The following SPOCK3 variants were observed in gnomAD, a reference collection of about 807,000 sequenced individuals.
SPOCK3 encodes the protein testican-3.
In SPOCK3, 30 loss-of-function variants were observed where a neutral mutation model predicts 56.6. The observed-to-expected ratio is 0.53, with a 90% CI of 0.40 to 0.72. SPOCK3 has a LOEUF of 0.72. Ranked by LOEUF, SPOCK3 falls within the 30% of genes least tolerant of loss-of-function variation. The probability of loss-of-function intolerance (pLI) is 0.00; values close to 1 mark genes in which losing one functional copy is unlikely to be tolerated. For synonymous variants in SPOCK3, 196 were observed against 183.3 expected, an observed-to-expected ratio of 1.07 and a Z score of -0.56; for missense variants, 527 against 530.0, an observed-to-expected ratio of 0.99 and a Z score of 0.06.
intron 3 of SPOCK3, among the ~76,000 whole-genome samples, chr4:167,048,447 A>C (rs1308197742): frequency 6.6e-6 from 1 of 152,168 alleles, no homozygotes; most frequent in Admixed American, 6.5e-5. Flanking sequence ...ATTATTACAT[A>C]GTATTTTGTT....
rs370462704 is a variant in SPOCK3, at chr4:167,096,380, T to C, written c.190-33843A>G. ...GAATTTAGAATTATCTTTGATGACA[T>C]AGATATTCAGCATGATCACTTTCCC... On this transcript the variant is annotated intron_variant, in intron 2 of 10. Transcript: ENST00000357545. Among the ~76,000 whole-genome samples the C allele has an allele frequency of 3.7e-4, 57 of 152,082 alleles. No homozygotes were observed. The East Asian group carries it at 4.0e-3, about 11-fold the overall frequency.
At chr4:167,001,759 C>T (rs1342340082) in intron 3 of SPOCK3, among the ~76,000 whole-genome samples, 3 of 151,806 alleles carry the variant, frequency 2.0e-5, no homozygotes, top group African/African-American at 7.3e-5. Flanking sequence ...TTCTAGTGCA[C>T]AAAGAGAAAT....
intron 7 of SPOCK3, among the ~76,000 whole-genome samples, chr4:166,774,191 T>C (rs1215731969): frequency 6.6e-6 from 1 of 152,210 alleles, no homozygotes. Context: ...TCTCTATTTT[T>C]ACTTCTAACT....
At chr4:166,774,035 T>C (rs2126585052) in intron 7 of SPOCK3, among the ~76,000 whole-genome samples, 1 of 152,356 alleles carries the variant, frequency 6.6e-6, no homozygotes, top group Admixed American at 6.5e-5. Flanking sequence ...ATTGTCCTTG[T>C]AAGGTACAAA....
At chr4:167,101,892 T>G (rs1055627134) in intron 2 of SPOCK3, among the ~76,000 whole-genome samples, 1 of 149,136 alleles carries the variant, frequency 6.7e-6, no homozygotes, top group South Asian at 2.1e-4. Flanking sequence ...CAGGCTGAGT[T>G]TTTTTTTTTT....
chr4:166,746,146 A>G (rs1229044911), intron 8 of SPOCK3, among the ~76,000 whole-genome samples: 1 of 152,240 alleles, frequency 6.6e-6, no homozygotes, highest in African/African-American at 2.4e-5. Flanking sequence ...CTTAATAGAC[A>G]TCTACAGAAC....
At chr4:166,801,806 C>A (rs911525111) in intron 6 of SPOCK3, among the ~76,000 whole-genome samples, 43 of 152,012 alleles carry the variant, frequency 2.8e-4, no homozygotes, top group African/African-American at 9.4e-4. Flanking sequence ...AGAAAAAGTT[C>A]TCCAATATAA....
intron 2 of SPOCK3, among the ~76,000 whole-genome samples, chr4:167,136,443 T>C (rs927041694): frequency 6.6e-6 from 1 of 152,174 alleles, no homozygotes; most frequent in Non-Finnish European, 1.5e-5. Context: ...ACAATAAAAG[T>C]ACTCAAGTGG....
At chr4:166,891,449 C>T (rs563480167) in intron 5 of SPOCK3, among the ~76,000 whole-genome samples, 8 of 151,824 alleles carry the variant, frequency 5.3e-5, no homozygotes, top group African/African-American at 1.9e-4. Context: ...AGTTGAAATT[C>T]TTAACGAGCC....
intron 5 of SPOCK3, among the ~76,000 whole-genome samples, chr4:166,897,110 C>T (rs923589816): frequency 6.6e-6 from 1 of 152,072 alleles, no homozygotes; most frequent in African/African-American, 2.4e-5. Flanking sequence ...TATATACTTC[C>T]ATGATTGGAA....
At chr4:167,140,573 C>T (rs1300632619) in intron 2 of SPOCK3, among the ~76,000 whole-genome samples, 1 of 151,982 alleles carries the variant, frequency 6.6e-6, no homozygotes, top group African/African-American at 2.4e-5. Context: ...AACCAGGAAA[C>T]ATTAAGCACT....
intron 2 of SPOCK3, among the ~76,000 whole-genome samples, chr4:167,122,686 A>G (rs1360009451): frequency 6.6e-6 from 1 of 152,186 alleles, no homozygotes; most frequent in Non-Finnish European, 1.5e-5. Flanking sequence ...TAGAGCTGCC[A>G]TTTGAAGAGG....
At chr4:167,220,508 G>A (rs28403027) in intron 2 of SPOCK3, among the ~76,000 whole-genome samples, 20,009 of 150,490 alleles carry the variant, frequency 0.13, 1,653 homozygotes, top group African/African-American at 0.22. Flanking sequence ...CTCTTGAATA[G>A]CTGGGACAAT....
intron 2 of SPOCK3, among the ~76,000 whole-genome samples, chr4:167,181,285 C>G (rs570241913): frequency 6.6e-6 from 1 of 152,178 alleles, no homozygotes; most frequent in Non-Finnish European, 1.5e-5. Context: ...TCATCCCTGA[C>G]TCCTCTCTCC....
chr4:166,806,985 T>C (rs1449078603), intron 6 of SPOCK3, among the ~76,000 whole-genome samples: 1 of 151,880 alleles, frequency 6.6e-6, no homozygotes, highest in Non-Finnish European at 1.5e-5. Flanking sequence ...ATTATTATAA[T>C]ATACTCTAAT....
chr4:167,055,040 T>G (rs1421066538), intron 3 of SPOCK3, among the ~76,000 whole-genome samples: 1 of 152,176 alleles, frequency 6.6e-6, no homozygotes, highest in African/African-American at 2.4e-5. Context: ...GAAATTGAAG[T>G]AAAAGATAAC....
intron 6 of SPOCK3, among the ~76,000 whole-genome samples, chr4:166,865,531 C>G (rs1417914240): frequency 6.6e-6 from 1 of 152,060 alleles, no homozygotes; most frequent in African/African-American, 2.4e-5. Context: ...TTAGAAAACC[C>G]TACCATCTCA....
chr4:167,008,875 AACT>A (rs1176367706), intron 3 of SPOCK3, among the ~76,000 whole-genome samples: 2 of 152,040 alleles, frequency 1.3e-5, no homozygotes, highest in Non-Finnish European at 2.9e-5. Context: ...GGACTGGAAA[AACT>A]ACCTATTTAG....
intron 6 of SPOCK3, among the ~76,000 whole-genome samples, chr4:166,886,923 T>C (rs1734258063): frequency 6.6e-6 from 1 of 152,186 alleles, no homozygotes; most frequent in Non-Finnish European, 1.5e-5. Flanking sequence ...GTACTGCTTT[T>C]CCACAGCAGG....
Sources: allele counts gnomAD v4.1 joint callset (sites outside exome capture counted in the v4.1 genomes callset), GRCh38; gene constraint gnomAD v4.1.1; transcripts MANE v1.5; gene names NCBI Gene and HGNC (gene_info 2026-07-23, HGNC 2026-07-21).